ECE1: variants seen among roughly 807,000 people sequenced by gnomAD.
The protein encoded by ECE1 is endothelin-converting enzyme 1.
A neutral mutation model predicts 98.6 loss-of-function variants in ECE1; 35 were observed. The ratio of observed to expected loss-of-function variants is 0.35; its 90% CI spans 0.27 to 0.47. The LOEUF is 0.47. Among genes scored for constraint, ECE1 ranks in the 20% least tolerant of loss-of-function variants. The pLI is 1.00. For synonymous variants in ECE1, 394 were observed against 407.1 expected, an observed-to-expected ratio of 0.97 and a Z score of 0.39; for missense variants, 814 against 1,025.3, an observed-to-expected ratio of 0.79 and a Z score of 2.81.
At chr1:21,227,909 A>G (rs74523341) in intron 15 of ECE1, 22 bp downstream of exon 15, 1 of 1,534,008 alleles carries the variant, frequency 6.5e-7, no homozygotes. Flanking sequence ...GAATTGGGGT[A>G]GGGGCCCCAG....
chr1:21,239,945 T>G (rs547686680), intron 10 of ECE1, among the ~76,000 whole-genome samples: 8 of 152,050 alleles, frequency 5.3e-5, no homozygotes, highest in African/African-American at 1.9e-4. Flanking sequence ...CCGAGGCAAG[T>G]GGATCACTTG....
At chr1:21,246,938 G>C (rs181430099) in intron 9 of ECE1, among the ~76,000 whole-genome samples, 1 of 152,252 alleles carries the variant, frequency 6.6e-6, no homozygotes, top group African/African-American at 2.4e-5. Flanking sequence ...GCAATTACGG[G>C]CGTTCATGCC....
chr1:21,294,402 G>A (rs921335794), upstream of ECE1: 4 of 152,420 alleles, frequency 2.6e-5, no homozygotes, highest in African/African-American at 9.6e-5. This position sits in a 1 kb window ranked among gnomAD's most constrained non-coding sequence, Gnocchi z 4.2. Flanking sequence ...TGCAGCCGTG[G>A]AGGAGAAATC....
At chr1:21,286,397 C>G (rs2098260599) in intron 2 of ECE1, among the ~76,000 whole-genome samples, 1 of 152,160 alleles carries the variant, frequency 6.6e-6, no homozygotes, top group African/African-American at 2.4e-5. Context: ...AAGCATTATC[C>G]AAAATGCTTT....
At chr1:21,272,663 G>GT (rs761439732) in intron 4 of ECE1, 36 bp downstream of exon 4, 1 of 1,612,716 alleles carries the variant, frequency 6.2e-7, no homozygotes, top group Non-Finnish European at 8.5e-7. Context: ...GCTCCCCGCT[G>GT]TGGCCCATTT....
intron 1 of ECE1, among the ~76,000 whole-genome samples, chr1:21,297,751 G>T (rs1452999350): frequency 6.6e-6 from 1 of 151,628 alleles, no homozygotes; most frequent in Admixed American, 6.6e-5. Flanking sequence ...TGGCCAGGCT[G>T]GTCTCGAACT....
chr1:21,236,921 A>G (rs747300690), intron 11 of ECE1, 77 bp from the exon 12 acceptor site: 3 of 1,305,476 alleles, frequency 2.3e-6, no homozygotes, highest in Non-Finnish European at 2.2e-6. Context: ...CGTGCAGAAC[A>G]ATGATGGCCA....
At chr1:21,245,233 C>A (rs1281113230) in intron 9 of ECE1, 130 bp from the exon 10 acceptor site, 3 of 760,236 alleles carry the variant, frequency 3.9e-6, no homozygotes, top group Non-Finnish European at 6.9e-6. Flanking sequence ...CCTGCGGGGG[C>A]TTGGTGGGTT....
chr1:21,258,542 G>GT lies in ECE1; in HGVS notation c.762+150dup. ...CCAGCAGCCTGCAAAGATCTCACCA[G>GT]TGGGGCCTCTGGAAATAACCCAGGC... On this transcript the variant is annotated intron_variant, in intron 6 of 18. Transcript: ENST00000374893. The surrounding 1 kb of genome is among the most constrained non-coding windows in gnomAD (Gnocchi z 4.2). 7.9e-7 allele frequency: 1 copy of GT among 1,270,720 alleles called. No individual in the cohort carries two copies. The highest frequency in any genetic ancestry group is 1.1e-6 in the Non-Finnish European group (1 of 904,526). 78.7% of individuals were successfully genotyped at this position (1,270,720 alleles called of 1,614,324 possible).
chr1:21,240,464 GT>G (rs1408972796), intron 10 of ECE1, among the ~76,000 whole-genome samples: 1 of 152,174 alleles, frequency 6.6e-6, no homozygotes, highest in Non-Finnish European at 1.5e-5. Context: ...TCCAGCCTGG[GT>G]GACAGAATAA....
intron 10 of ECE1, among the ~76,000 whole-genome samples, chr1:21,243,977 C>T (rs958779972): frequency 4.6e-5 from 7 of 152,186 alleles, no homozygotes; most frequent in Admixed American, 2.6e-4. Context: ...GGAGAGAGGA[C>T]GTGTAGGATG....
At chr1:21,245,161 C>T (rs1263435850) in intron 9 of ECE1, 58 bp from the exon 10 acceptor site, 1 of 1,487,388 alleles carries the variant, frequency 6.7e-7, no homozygotes, top group Non-Finnish European at 9.3e-7. Context: ...GGATTGCGGC[C>T]CTTCCCCTGC....
chr1:21,263,023 C>A (rs1333432902), intron 4 of ECE1, among the ~76,000 whole-genome samples: 5 of 152,194 alleles, frequency 3.3e-5, no homozygotes, highest in African/African-American at 1.2e-4. Context: ...GGGGTGAACG[C>A]TGTGAGAACA....
At chr1:21,332,743 AGGGG>A (rs1639227212) in intron 1 of ECE1, among the ~76,000 whole-genome samples, 1 of 4,254 alleles carries the variant, frequency 2.4e-4, no homozygotes, top group Non-Finnish European at 4.2e-4. Flanking sequence ...AGGGGAGGGG[AGGGG>A]AGGGGAGGGG....
chr1:21,241,313 G>A (rs1333915822), intron 10 of ECE1, among the ~76,000 whole-genome samples: 1 of 152,146 alleles, frequency 6.6e-6, no homozygotes, highest in Non-Finnish European at 1.5e-5. Flanking sequence ...TAGGATTATA[G>A]GTGTGAGCCA....
Position 21,225,505 on chromosome 1 carries a change from C to A in ECE1, c.1850-65G>T. ...GGCACAGCAGGGACCTGCTGCTCCT[C>A]CCTGCTCCTGGTGAGAAGCGGTTCA... On this transcript the variant is annotated intron_variant, in intron 16 of 18. Coordinates refer to ENST00000374893, the MANE Select transcript of ECE1 (RefSeq NM_001397.3). This position sits in a 1 kb window ranked among gnomAD's most constrained non-coding sequence, Gnocchi z 5.3. The A allele has an allele frequency of 6.4e-7, 1 of 1,570,270 alleles. No homozygotes were observed. The highest frequency in any genetic ancestry group is 8.7e-7 in the Non-Finnish European group (1 of 1,154,692).
intron 1 of ECE1, among the ~76,000 whole-genome samples, chr1:21,320,289 C>T (rs1198528655): frequency 6.6e-6 from 1 of 152,208 alleles, no homozygotes; most frequent in Non-Finnish European, 1.5e-5. Context: ...CCGGACTTCT[C>T]ATTTATAAAA....
intron 3 of ECE1, among the ~76,000 whole-genome samples, chr1:21,274,445 C>T (rs1298020412): frequency 1.3e-5 from 2 of 152,204 alleles, no homozygotes; most frequent in South Asian, 2.1e-4. Flanking sequence ...GTGACCTCAT[C>T]GCTCCATGCC....
chr1:21,274,930 T>G (rs2098244762), intron 3 of ECE1, among the ~76,000 whole-genome samples: 1 of 152,220 alleles, frequency 6.6e-6, no homozygotes, highest in East Asian at 1.9e-4. Flanking sequence ...ATCATCTTAA[T>G]CACAGTTGCA....
Sources: gnomAD v4.1 joint callset for allele counts (sites outside exome capture counted in the v4.1 genomes callset) on GRCh38, gnomAD v4.1.1 for gene constraint, Gnocchi (gnomAD v3.1) non-coding constraint, MANE v1.5 for transcripts, NCBI Gene and HGNC (gene_info 2026-07-23, HGNC 2026-07-21) for gene names.